DLG2: variants seen among roughly 807,000 people sequenced by gnomAD.
DLG2 encodes the protein disks large homolog 2.
A neutral mutation model predicts 132.5 loss-of-function variants in DLG2; 45 were observed. That is an observed-to-expected ratio of 0.34 (90% CI 0.27 to 0.44). The LOEUF (loss-of-function observed/expected upper bound fraction) is 0.44. Ranked by LOEUF, DLG2 falls within the 20% of genes least tolerant of loss-of-function variation. The pLI is 1.00. For synonymous variants in DLG2, 424 were observed against 419.6 expected (o/e 1.01, Z -0.13); for missense variants, 1,045 against 1,196.9 (o/e 0.87, Z 1.87).
At chr11:84,856,875 T>C (rs536266954) in intron 6 of DLG2, among the ~76,000 whole-genome samples, 47 of 149,712 alleles carry the variant, frequency 3.1e-4, no homozygotes, top group African/African-American at 1.2e-3. Flanking sequence ...AGAAAATAAA[T>C]CTGAGGAGGC....
At chr11:84,275,143 C>T (rs993691635) in intron 7 of DLG2, among the ~76,000 whole-genome samples, 13 of 152,196 alleles carry the variant, frequency 8.5e-5, no homozygotes, top group Non-Finnish European at 1.5e-5. Flanking sequence ...TCTTGTGAGG[C>T]TTTTCCAACC....
intron 6 of DLG2, among the ~76,000 whole-genome samples, chr11:85,044,269 G>A (rs2062114934): frequency 6.6e-6 from 1 of 151,808 alleles, no homozygotes; most frequent in Non-Finnish European, 1.5e-5. Flanking sequence ...TATCATAATT[G>A]CCTATTAACT....
At chr11:84,933,989 G>T (rs1291343155) in intron 6 of DLG2, among the ~76,000 whole-genome samples, 1 of 152,086 alleles carries the variant, frequency 6.6e-6, no homozygotes, top group African/African-American at 2.4e-5. Context: ...GTACGATGTT[G>T]GTTGTCGGTT....
At chr11:85,205,364 G>T (rs922780175) in intron 4 of DLG2, among the ~76,000 whole-genome samples, 1 of 151,842 alleles carries the variant, frequency 6.6e-6, no homozygotes, top group Non-Finnish European at 1.5e-5. Flanking sequence ...AAATATAATG[G>T]GGTTACCAGA....
At chr11:85,434,784 A>G (rs1276070291) in intron 3 of DLG2, among the ~76,000 whole-genome samples, 2 of 152,132 alleles carry the variant, frequency 1.3e-5, no homozygotes, top group African/African-American at 2.4e-5. Context: ...ACTATTCCAA[A>G]CAGTTGAAAA....
At chr11:85,361,523 G>A (rs896152672) in intron 3 of DLG2, among the ~76,000 whole-genome samples, 1 of 152,090 alleles carries the variant, frequency 6.6e-6, no homozygotes, top group Non-Finnish European at 1.5e-5. Flanking sequence ...TGTACGCATT[G>A]TTTAGTTCCC....
chr11:84,892,403 T>A (rs1162608346), intron 6 of DLG2, among the ~76,000 whole-genome samples: 7 of 152,002 alleles, frequency 4.6e-5, no homozygotes, highest in Admixed American at 4.6e-4. Context: ...AATGCAGCTC[T>A]ATGGCAAAAA....
At chr11:83,605,840 G>A (rs991624225) in intron 19 of DLG2, among the ~76,000 whole-genome samples, 1 of 152,220 alleles carries the variant, frequency 6.6e-6, no homozygotes, top group Non-Finnish European at 1.5e-5. Flanking sequence ...TCCATTTCAT[G>A]GCAGTCAGCA....
intron 5 of DLG2, among the ~76,000 whole-genome samples, chr11:85,112,939 C>A (rs1282976798): frequency 2.0e-5 from 3 of 152,028 alleles, no homozygotes; most frequent in African/African-American, 7.2e-5. Flanking sequence ...GAATAAAATA[C>A]TGAATTCAGT....
intron 6 of DLG2, among the ~76,000 whole-genome samples, chr11:84,860,967 A>G (rs1015704459): frequency 6.6e-6 from 1 of 152,164 alleles, no homozygotes; most frequent in African/African-American, 2.4e-5. Context: ...GTAAATATTT[A>G]CTGAACATCT....
chr11:83,880,607 T>C (rs1163219386), intron 15 of DLG2, among the ~76,000 whole-genome samples: 2 of 152,148 alleles, frequency 1.3e-5, no homozygotes, highest in African/African-American at 4.8e-5. Flanking sequence ...ACTCTGGTGT[T>C]AGGATTGGGG....
chr11:83,792,471 T>C (rs112292148), intron 17 of DLG2, among the ~76,000 whole-genome samples: 1,816 of 152,288 alleles, frequency 0.012, 36 homozygotes, highest in African/African-American at 0.042. Flanking sequence ...AAAGGCTCCC[T>C]TACCTCCTAT....
intron 18 of DLG2, among the ~76,000 whole-genome samples, chr11:83,752,096 G>A (rs541110988): frequency 1.2e-4 from 19 of 152,118 alleles, no homozygotes; most frequent in East Asian, 3.9e-4. Context: ...GTGAAACCCC[G>A]TCTCTACTAA....
intron 7 of DLG2, among the ~76,000 whole-genome samples, chr11:84,321,853 A>G (rs537027256): frequency 6.6e-6 from 1 of 152,088 alleles, no homozygotes; most frequent in African/African-American, 2.4e-5. Context: ...GCATATCATC[A>G]CCTCCTCAAG....
chr11:85,146,077 C>G (rs1156935663), intron 5 of DLG2, among the ~76,000 whole-genome samples: 1 of 152,082 alleles, frequency 6.6e-6, no homozygotes, highest in Non-Finnish European at 1.5e-5. Flanking sequence ...ACTAGTAATG[C>G]TGTAATTCTT....
At chr11:83,583,615 G>C (rs1252675744) in intron 19 of DLG2, among the ~76,000 whole-genome samples, 1 of 152,164 alleles carries the variant, frequency 6.6e-6, no homozygotes, top group Non-Finnish European at 1.5e-5. Flanking sequence ...TGGGTTAAAA[G>C]TGGTCTTAAA....
chr11:85,430,674 T>G lies in DLG2; in HGVS notation c.41-145309A>C, dbSNP rs75970006. On this transcript the variant is annotated intron_variant, in intron 3 of 27. Transcript: ENST00000376104. ...TTGACCTCATTTCTGTGGGTTTGAC[T>G]GCAAACAGGACAGGGTTTATGTTTG... Among the ~76,000 whole-genome samples the G allele has an allele frequency of 3.2e-4, 48 of 152,258 alleles. 1 individual carries two copies. In the East Asian group the frequency reaches 9.3e-3, roughly 29 times the overall value.
At chr11:83,830,899 G>A (rs1295278618) in intron 17 of DLG2, among the ~76,000 whole-genome samples, 2 of 152,152 alleles carry the variant, frequency 1.3e-5, no homozygotes, top group East Asian at 1.9e-4. Context: ...ATTTAATGAC[G>A]ATATGAATGC....
intron 4 of DLG2, among the ~76,000 whole-genome samples, chr11:85,177,263 T>TTATA (rs748552882): frequency 2.9e-3 from 396 of 137,040 alleles, no homozygotes; most frequent in Middle Eastern, 7.2e-3. Context: ...GTATATGTAT[T>TTATA]TATATATATA....
Sources: gnomAD v4.1 joint callset for allele counts (sites outside exome capture counted in the v4.1 genomes callset) on GRCh38, gnomAD v4.1.1 for gene constraint, MANE v1.5 for transcripts, NCBI Gene and HGNC (gene_info 2026-07-23, HGNC 2026-07-21) for gene names.